The following VANGL1 variants were observed in gnomAD, a reference collection of about 807,000 sequenced individuals.
The protein encoded by VANGL1 is vang-like protein 1.
A neutral mutation model predicts 48.4 loss-of-function variants in VANGL1; 18 were observed. The observed-to-expected ratio is 0.37, with a 90% confidence interval of 0.26 to 0.55. The LOEUF (loss-of-function observed/expected upper bound fraction) is 0.55, where lower values mean the gene tolerates loss of function less well. Ranked by LOEUF, VANGL1 falls within the 20% of genes least tolerant of loss-of-function variation. The probability of loss-of-function intolerance (pLI) is 0.81; values close to 1 mark genes in which losing one functional copy is unlikely to be tolerated. For synonymous variants in VANGL1, 257 were observed against 261.8 expected (o/e 0.98, Z 0.18); for missense variants, 667 against 675.8 (o/e 0.99, Z 0.14).
At chr1:115,667,078 A>G (rs1028424436) in intron 4 of VANGL1, among the ~76,000 whole-genome samples, 4 of 152,214 alleles carry the variant, frequency 2.6e-5, no homozygotes, top group African/African-American at 9.6e-5. Context: ...TCAGAATAGC[A>G]GGTCTCCATT....
chr1:115,673,142 A>C (rs1025737509), intron 4 of VANGL1, among the ~76,000 whole-genome samples: 2 of 152,222 alleles, frequency 1.3e-5, no homozygotes, highest in African/African-American at 4.8e-5. Flanking sequence ...CTTAAAAAGT[A>C]GGTAATGAGT....
chr1:115,659,729 G>C lies in VANGL1; in HGVS notation c.160G>C (p.Glu54Gln). The C allele has an allele frequency of 1.2e-6, 2 of 1,614,192 alleles. No individual in the cohort carries two copies. Among genetic ancestry groups the C allele is most frequent in the Non-Finnish European group, 1.7e-6 (2 of 1,180,026 alleles). The change falls in exon 3 of 8, where the codon GAG becomes CAG. Residue 54 changes from glutamate to glutamine, a missense_variant. Coordinates refer to ENST00000355485, the MANE Select transcript of VANGL1 (RefSeq NM_138959.3). ...TGTCACCATTCAACCTCCCACTGGA[G>C]AGCCCCTGTTGGGAAATGATTCTAC... is the stretch of plus-strand genomic sequence containing the variant. ...KSVTIQPPTG[E>Q]PLLGNDSTRT... is the part of the protein sequence containing the mutation.
At chr1:115,662,451 A>G (rs980096914) in intron 3 of VANGL1, among the ~76,000 whole-genome samples, 3 of 152,184 alleles carry the variant, frequency 2.0e-5, no homozygotes, top group Non-Finnish European at 4.4e-5. Context: ...TTATTGCTTC[A>G]TTATTGTTGC....
At chr1:115,642,678 G>C (rs1456312136) in intron 1 of VANGL1, 1 of 152,362 alleles carries the variant, frequency 6.6e-6, no homozygotes, top group Non-Finnish European at 1.5e-5. Context: ...GGGCGAGTCC[G>C]GTTGCGCCTC....
rs781284916 is a variant in VANGL1 at position 115,687,987 on chromosome 1, T to TAGATAGATAGATAGAC, written c.1314+2463_1314+2464insTAGATAGATAGACAGA. Among the ~76,000 whole-genome samples, 29 of 129,362 alleles carry TAGATAGATAGATAGAC rather than the reference T, an allele frequency of 2.2e-4. 6 individuals carry two copies. The highest frequency in any genetic ancestry group is 1.4e-3 in the South Asian group (5 of 3,654). 84.9% of individuals were successfully genotyped at this position (129,362 alleles called of 152,430 possible). ...ATAGATAGATAGATAGATAGATAGATAGACACATAGATAGATACATAGATA... is the reference window on the plus strand; with the variant it reads ...ATAGATAGATAGATAGATAGATAGATAGATAGATAGATAGACAGACACATAGATAGATACATAGATA... On this transcript the variant is annotated intron_variant, in intron 7 of 7. Transcript: ENST00000355485.
intron 1 of VANGL1, 65 bp from the exon 2 acceptor site, chr1:115,651,212 A>C (rs1005872532): frequency 1.5e-5 from 9 of 583,548 alleles, no homozygotes; most frequent in Non-Finnish European, 2.7e-5. Flanking sequence ...TTTGTCATTT[A>C]TCTTTCAGCC....
Position 115,654,498 on chromosome 1 carries a change from T to TAAAAAAAA in VANGL1, c.71+3031_71+3038dup, listed in dbSNP as rs869142756. ...GTATTGACAAGGGAATTGGTAGGGC[T>TAAAAAAAA]AAAAAAAAAAAAAAAAAAAAAAAAT... On this transcript the variant is annotated intron_variant, in intron 2 of 7. Coordinates refer to ENST00000355485, the MANE Select transcript of VANGL1 (RefSeq NM_138959.3). Among the ~76,000 whole-genome samples, 106 of 90,796 alleles carry TAAAAAAAA rather than the reference T, an allele frequency of 1.2e-3. 2 individuals carry two copies. The highest frequency in any genetic ancestry group is 4.8e-3 in the African/African-American group (102 of 21,440). The allele number at this position is 90,796 out of a possible 152,430, so 59.6% of individuals were successfully genotyped here.
At chr1:115,680,116 A>G (rs1200404803) in intron 4 of VANGL1, among the ~76,000 whole-genome samples, 4 of 151,946 alleles carry the variant, frequency 2.6e-5, no homozygotes, top group Non-Finnish European at 1.5e-5. Flanking sequence ...TCTCTGGAGA[A>G]TGCCATGGAC....
intron 3 of VANGL1, among the ~76,000 whole-genome samples, chr1:115,660,183 G>A (rs924995811): frequency 6.6e-6 from 1 of 152,190 alleles, no homozygotes; most frequent in Non-Finnish European, 1.5e-5. Flanking sequence ...TTGAGAGGCC[G>A]CACGCTCAGA....
At chr1:115,647,790 G>A (rs1024749369) in intron 1 of VANGL1, among the ~76,000 whole-genome samples, 3 of 152,198 alleles carry the variant, frequency 2.0e-5, no homozygotes, top group Non-Finnish European at 2.9e-5. Flanking sequence ...TGCTTTAGCT[G>A]AGGAATTGGG....
intron 1 of VANGL1, 122 bp from the exon 2 acceptor site, chr1:115,651,155 C>T (rs1325108176): frequency 2.1e-6 from 1 of 487,234 alleles, no homozygotes; most frequent in African/African-American, 2.0e-5. Context: ...GTTGCTTCAC[C>T]CTCACTCGCT....
At chr1:115,654,220 C>G (rs1652258777) in intron 2 of VANGL1, among the ~76,000 whole-genome samples, 1 of 152,022 alleles carries the variant, frequency 6.6e-6, no homozygotes, top group Non-Finnish European at 1.5e-5. Context: ...TAATTTTAGT[C>G]AGAGTCCAAC....
chr1:115,686,697 G>A lies in VANGL1; in HGVS notation c.1314+1170G>A, dbSNP rs185563349. Among the ~76,000 whole-genome samples the A allele has an allele frequency of 3.9e-5, 6 of 152,086 alleles. No individual in the cohort carries two copies. The East Asian group carries it at 7.7e-4, about 20-fold the overall frequency. ...GCTAAATACTGTAATCTAAAAGACC[G>A]TTTGGTAAAACTGACTCTGTAACAC... is the stretch of plus-strand genomic sequence containing the variant. On this transcript the variant is annotated intron_variant, in intron 7 of 7. Coordinates refer to ENST00000355485, the MANE Select transcript of VANGL1 (RefSeq NM_138959.3).
chr1:115,664,863 C>T (rs12039617), intron 4 of VANGL1, among the ~76,000 whole-genome samples: 39,484 of 152,056 alleles, frequency 0.26, 5,513 homozygotes, highest in East Asian at 0.36. Flanking sequence ...ACTTACATCT[C>T]TGCATAAAAT....
rs1264696721 is a variant in VANGL1 at position 115,687,986 on chromosome 1, A to ATAGATAGATAGATAGG, written c.1314+2463_1314+2464insTAGATAGATAGGTAGA. Among the ~76,000 whole-genome samples, 2 of 134,136 alleles carry ATAGATAGATAGATAGG rather than the reference A, an allele frequency of 1.5e-5. 1 individual carries two copies. Among genetic ancestry groups the ATAGATAGATAGATAGG allele is most frequent in the Non-Finnish European group, 3.2e-5 (2 of 62,210 alleles). The allele number at this position is 134,136 out of a possible 152,430, so 88.0% of individuals were successfully genotyped here. A position where few individuals can be genotyped will look rare whatever the true frequency, so the allele number is the denominator to read the frequency against. ...GATAGATAGATAGATAGATAGATAG[A>ATAGATAGATAGATAGG]TAGACACATAGATAGATACATAGAT... On this transcript the variant is annotated intron_variant, in intron 7 of 7. Transcript: ENST00000355485.
intron 2 of VANGL1, among the ~76,000 whole-genome samples, chr1:115,654,099 A>G (rs1447603093): frequency 6.6e-6 from 1 of 152,006 alleles, no homozygotes; most frequent in African/African-American, 2.4e-5. Context: ...AGCTAAGGGT[A>G]TTTTGTCCAA....
At chr1:115,648,968 G>T (rs552269176) in intron 1 of VANGL1, among the ~76,000 whole-genome samples, 33 of 152,322 alleles carry the variant, frequency 2.2e-4, no homozygotes, top group East Asian at 5.8e-4. Flanking sequence ...ATTTGAATCT[G>T]CAGATCAGCA....
chr1:115,674,563 T>C lies in VANGL1; in HGVS notation c.813-7801T>C, dbSNP rs575926131. Among the ~76,000 whole-genome samples, 14 of 152,360 alleles carry C rather than the reference T, an allele frequency of 9.2e-5. No individual in the cohort carries two copies. The South Asian group carries it at 2.9e-3, about 32-fold the overall frequency. On this transcript the variant is annotated intron_variant, in intron 4 of 7. Transcript: ENST00000355485. ...ATGATGAGAAAACTTTTTAGTACTT[T>C]TTCTGTCAGCATGTACCTAGGTAAT...
chr1:115,658,399 A>G (rs1401133493), intron 2 of VANGL1, among the ~76,000 whole-genome samples: 1 of 152,236 alleles, frequency 6.6e-6, no homozygotes, highest in Non-Finnish European at 1.5e-5. Context: ...TAGTAATAGC[A>G]ATCATAGCCA....
Sources: gnomAD v4.1 joint callset for allele counts (sites outside exome capture counted in the v4.1 genomes callset) on GRCh38, gnomAD v4.1.1 for gene constraint, MANE v1.5 for transcripts, NCBI Gene and HGNC (gene_info 2026-07-23, HGNC 2026-07-21) for gene names.